Variants in PRKG1 observed in about 807,000 individuals in gnomAD.
PRKG1 encodes the protein cGMP-dependent protein kinase 1.
PRKG1 carries 35 observed loss-of-function variants against 88.1 expected under a neutral mutation model. That is an observed-to-expected ratio of 0.40 (90% CI 0.30 to 0.53). The LOEUF (loss-of-function observed/expected upper bound fraction) is 0.53. Ranked by LOEUF, PRKG1 falls within the 20% of genes least tolerant of loss-of-function variation. PRKG1 has a pLI of 0.59. For synonymous variants in PRKG1, 303 were observed against 292.5 expected, an observed-to-expected ratio of 1.04 and a Z score of -0.37; for missense variants, 540 against 839.8, an observed-to-expected ratio of 0.64 and a Z score of 4.41.
At chr10:51,568,165 C>T (rs1398586554) in intron 3 of PRKG1, among the ~76,000 whole-genome samples, 1 of 149,814 alleles carries the variant, frequency 6.7e-6, no homozygotes, top group East Asian at 1.9e-4. Flanking sequence ...TCATTTCTTT[C>T]CCATGTTGAA....
At chr10:51,744,611 G>A (rs964037109) in intron 3 of PRKG1, among the ~76,000 whole-genome samples, 7 of 152,170 alleles carry the variant, frequency 4.6e-5, no homozygotes, top group African/African-American at 1.7e-4. Context: ...TTGTTTGTAT[G>A]AGAAAGACAT....
chr10:51,761,637 G>A (rs1203586353), intron 3 of PRKG1, among the ~76,000 whole-genome samples: 9 of 152,182 alleles, frequency 5.9e-5, no homozygotes, highest in African/African-American at 2.2e-4. Context: ...GCCATTGAAT[G>A]TAGAATGAAT....
chr10:51,034,682 A>ATATATATATG (rs1843331391), intron 1 of PRKG1, among the ~76,000 whole-genome samples: 5 of 123,230 alleles, frequency 4.1e-5, no homozygotes, highest in Admixed American at 3.1e-4. Flanking sequence ...ATATATATAT[A>ATATATATATG]TATATATATA....
At chr10:52,256,295 T>C (rs567271604) in intron 10 of PRKG1, among the ~76,000 whole-genome samples, 2 of 139,426 alleles carry the variant, frequency 1.4e-5, no homozygotes, top group East Asian at 4.1e-4. Flanking sequence ...CTTTTTGTTA[T>C]ATCCTCAGAG....
At chr10:52,270,092 G>A (rs942332575) in intron 10 of PRKG1, among the ~76,000 whole-genome samples, 1 of 152,052 alleles carries the variant, frequency 6.6e-6, no homozygotes, top group South Asian at 2.1e-4. Context: ...TCTTTAAACT[G>A]TAGGGAGGGA....
chr10:52,129,165 G>A lies in PRKG1; in HGVS notation c.936-4675G>A, dbSNP rs139513093. 8.5e-5 allele frequency among the ~76,000 whole-genome samples: 13 copies of A among 152,268 alleles called. No homozygotes were observed. In the East Asian group the frequency reaches 2.1e-3, roughly 25 times the overall value. On this transcript the variant is annotated intron_variant, in intron 7 of 17. Coordinates refer to ENST00000373980, the MANE Select transcript of PRKG1 (RefSeq NM_006258.4). ...TGTCCTGCTTCTAAACCGCTCTGACGTGAAATGCCCGCTAACTTGGTAGAT... is the reference window on the plus strand; with the variant it reads ...TGTCCTGCTTCTAAACCGCTCTGACATGAAATGCCCGCTAACTTGGTAGAT...
chr10:51,823,365 G>A (rs574387968), intron 4 of PRKG1, among the ~76,000 whole-genome samples: 3 of 152,082 alleles, frequency 2.0e-5, no homozygotes, highest in Non-Finnish European at 4.4e-5. Context: ...CATTGCTTCT[G>A]TATGGCATAT....
chr10:52,024,322 T>TGTTTTTG (rs1845272708), intron 5 of PRKG1, among the ~76,000 whole-genome samples: 1 of 92,640 alleles, frequency 1.1e-5, no homozygotes, highest in Non-Finnish European at 2.3e-5. Context: ...TTTAACTTTT[T>TGTTTTTG]TTTTTATTCT....
chr10:51,203,209 TTC>T (rs886991669), intron 2 of PRKG1, among the ~76,000 whole-genome samples: 60 of 152,346 alleles, frequency 3.9e-4, no homozygotes, highest in African/African-American at 1.4e-3. Flanking sequence ...GTATTAAACA[TTC>T]TGTTATAAAA....
At chr10:52,072,066 C>A (rs900678972) in intron 7 of PRKG1, among the ~76,000 whole-genome samples, 7 of 151,814 alleles carry the variant, frequency 4.6e-5, no homozygotes, top group African/African-American at 1.5e-4. Context: ...CTTCACCCAG[C>A]CCTTATGACT....
intron 2 of PRKG1, among the ~76,000 whole-genome samples, chr10:51,254,268 A>C (rs933102648): frequency 1.3e-5 from 2 of 151,968 alleles, no homozygotes; most frequent in Non-Finnish European, 2.9e-5. Flanking sequence ...AGTATTTTGT[A>C]CACCTATAAA....
chr10:51,159,343 A>G (rs1363400710), intron 2 of PRKG1, among the ~76,000 whole-genome samples: 2 of 152,162 alleles, frequency 1.3e-5, no homozygotes, highest in East Asian at 1.9e-4. Context: ...GGGCCATTTT[A>G]TTCTTTACAA....
intron 9 of PRKG1, among the ~76,000 whole-genome samples, chr10:52,200,540 G>A (rs910295941): frequency 4.6e-5 from 7 of 152,036 alleles, no homozygotes; most frequent in African/African-American, 1.7e-4. Context: ...ATGTCTTTAT[G>A]GTAGAACAAT....
At chr10:52,233,953 G>A (rs1289501737) in intron 9 of PRKG1, among the ~76,000 whole-genome samples, 15 of 152,040 alleles carry the variant, frequency 9.9e-5, no homozygotes, top group African/African-American at 2.9e-4. Flanking sequence ...CTCCCAGCAC[G>A]CAGCTGGAGA....
intron 1 of PRKG1, among the ~76,000 whole-genome samples, chr10:51,098,306 A>G (rs1844592337): frequency 6.6e-6 from 1 of 152,180 alleles, no homozygotes; most frequent in Non-Finnish European, 1.5e-5. Context: ...ACTGCTATCA[A>G]AGCATAGTTG....
chr10:51,586,496 T>C (rs1384455654), intron 3 of PRKG1, among the ~76,000 whole-genome samples: 2 of 152,154 alleles, frequency 1.3e-5, no homozygotes, highest in Non-Finnish European at 2.9e-5. Context: ...TTCATATGTG[T>C]TTATGCATTT....
At chr10:51,076,465 A>G (rs1843955184) in intron 1 of PRKG1, among the ~76,000 whole-genome samples, 1 of 152,230 alleles carries the variant, frequency 6.6e-6, no homozygotes, top group African/African-American at 2.4e-5. Flanking sequence ...TAATGAAAAA[A>G]TAACTCAAAG....
chr10:51,646,465 A>G (rs2132305949), intron 3 of PRKG1, among the ~76,000 whole-genome samples: 1 of 152,236 alleles, frequency 6.6e-6, no homozygotes, highest in South Asian at 2.1e-4. Flanking sequence ...CTTGCTGAAT[A>G]AAAACTGGAA....
At chr10:51,188,372 T>C (rs1314231056) in intron 2 of PRKG1, among the ~76,000 whole-genome samples, 1 of 152,030 alleles carries the variant, frequency 6.6e-6, no homozygotes. Flanking sequence ...GGCTACTTTA[T>C]TTCAGAGTCT....
Sources: allele counts gnomAD v4.1 joint callset (sites outside exome capture counted in the v4.1 genomes callset), GRCh38; gene constraint gnomAD v4.1.1; transcripts MANE v1.5; gene names NCBI Gene and HGNC (gene_info 2026-07-23, HGNC 2026-07-21).